The following USP17L2 variants were observed in gnomAD, a reference collection of about 807,000 sequenced individuals.
USP17L2 encodes the protein ubiquitin specific peptidase 17 like family member 2, also known as ubiquitin carboxyl-terminal hydrolase 17.
USP17L2 carries 29 observed loss-of-function variants against 39.8 expected under a neutral mutation model. The ratio of observed to expected loss-of-function variants is 0.73; its 90% CI spans 0.54 to 0.99. The LOEUF (loss-of-function observed/expected upper bound fraction) is 0.99. USP17L2 is among the 50% of genes least tolerant of loss of function. USP17L2 has a pLI of 0.00. For synonymous variants in USP17L2, 231 were observed against 252.7 expected, an observed-to-expected ratio of 0.91 and a Z score of 0.81; for missense variants, 567 against 647.2, an observed-to-expected ratio of 0.88 and a Z score of 1.35.
In USP17L2 at chr8:12,137,307, G is replaced by T. The variant is rs773443983; in HGVS notation, c.1454C>A (p.Ser485Tyr). The T allele has an allele frequency of 5.9e-6, 9 of 1,531,278 alleles. 2 individuals carry two copies. The highest frequency in any genetic ancestry group is 8.8e-7 in the Non-Finnish European group (1 of 1,135,236). The allele number at this position is 1,531,278 out of a possible 1,614,324, so 94.9% of individuals were successfully genotyped here. A position where few individuals can be genotyped will look rare whatever the true frequency, so the allele number is the denominator to read the frequency against. The change falls in exon 1 of 1, where the codon TCC (serine) becomes TAC (tyrosine). Residue 485 changes from serine (S) to tyrosine (Y), a missense_variant. Ser to Tyr is a moderately radical substitution (Grantham distance 144, BLOSUM62 -2). Transcript: ENST00000333796. ...MKNHHPEQQS[S>Y]LLNLSSTTRT... ...GGTCGTCGAAGAGAGGTTTAGCAGG[G>T]AGCTTTGCTGTTCAGGATGATGGTT...
In USP17L2 at chr8:12,138,604, C is replaced by T. The variant is rs1416294576; in HGVS notation, c.157G>A (p.Asp53Asn). The part of the protein sequence containing the change: ...LSSEARVDLC[D>N]DLAPVARQLA... ...TGTCTTGCCACAGGAGCCAAATCATCACAGAGGTCGACACGGGCCTCAGAT... is the reference window on the plus strand; with the variant it reads ...TGTCTTGCCACAGGAGCCAAATCATTACAGAGGTCGACACGGGCCTCAGAT... Residue 53 changes from aspartate (D) to asparagine (N), a missense_variant, in exon 1 of 1, where the codon GAT (aspartate) becomes AAT (asparagine). Coordinates refer to ENST00000333796, the MANE Select transcript of USP17L2 (RefSeq NM_201402.3). 1 of 1,530,950 alleles carries T rather than the reference C, an allele frequency of 6.5e-7. No individual in the cohort carries two copies. Among genetic ancestry groups the T allele is most frequent in the South Asian group, 1.2e-5 (1 of 81,294 alleles). 94.8% of individuals were successfully genotyped at this position (1,530,950 alleles called of 1,614,324 possible). A position where few individuals can be genotyped will look rare whatever the true frequency, so the allele number is the denominator to read the frequency against.
At position 12,138,385 on chromosome 8, in the gene USP17L2, A is replaced by G. The variant is rs762517355; in HGVS notation, c.376T>C (p.Cys126Arg). Reference sequence around the variant, plus strand: ...CATGTGATGTGAGCTTGCATAGTACAGAGCATGCAGCACTTGGGACGCTGA... The same window carrying G: ...CATGTGATGTGAGCTTGCATAGTACGGAGCATGCAGCACTTGGGACGCTGA... ...TCQRPKCCML[C>R]TMQAHITWAL... Residue 126 changes from cysteine (C) to arginine (R), a missense_variant, in exon 1 of 1, where the codon TGT (cysteine) becomes CGT (arginine). Transcript: ENST00000333796. 9 of 1,477,798 alleles carry G rather than the reference A, an allele frequency of 6.1e-6. 2 individuals carry two copies. In the Admixed American group the frequency reaches 7.1e-5, roughly 12 times the overall value. The allele number at this position is 1,477,798 out of a possible 1,614,324, so 91.5% of individuals were successfully genotyped here. A position where few individuals can be genotyped will look rare whatever the true frequency, so the allele number is the denominator to read the frequency against.
In USP17L2 at chr8:12,137,770, G is replaced by A. The variant is rs1376447067; in HGVS notation, c.991C>T (p.His331Tyr). 3.3e-6 allele frequency: 5 copies of A among 1,494,204 alleles called. No individual in the cohort carries two copies. The Admixed American group carries it at 7.2e-5, about 22-fold the overall frequency. The allele number at this position is 1,494,204 out of a possible 1,614,324, so 92.6% of individuals were successfully genotyped here. The change falls in exon 1 of 1, where the codon CAC becomes TAC. Residue 331 changes from histidine to tyrosine, a missense_variant. Transcript: ENST00000333796. ...AVLVHAGWSC[H>Y]DGHYFSYVKA... ...ACATAAGAGAAGTAATGTCCGTCGTGACAACTCCACCCAGCGTGGACCAGC... is the reference window on the plus strand; with the variant it reads ...ACATAAGAGAAGTAATGTCCGTCGTAACAACTCCACCCAGCGTGGACCAGC...
In USP17L2 at chr8:12,137,525, G is replaced by T. The variant is rs542592124; in HGVS notation, c.1236C>A (p.His412Gln). The change falls in exon 1 of 1, where the codon CAC (histidine) becomes CAA (glutamine). Residue 412 changes from histidine (H) to glutamine (Q), a missense_variant. Physicochemically the swap from His to Gln is conservative, Grantham distance 24 (BLOSUM62 0). Around this residue, in one of 6 missense-constraint regions of USP17L2, gnomAD observed 304 missense variants for 254.7 expected, o/e 1.19. Transcript: ENST00000333796. ...RATQGELKRD[H>Q]PCLQAPELDE... is the part of the protein sequence containing the mutation. ...CCAACTCGGGTGCCTGGAGGCAGGG[G>T]TGGTCTCTCTTGAGCTCTCCTTGCG... 66 of 1,533,256 alleles carry T rather than the reference G, an allele frequency of 4.3e-5. 8 individuals carry two copies. The highest frequency in any genetic ancestry group is 2.1e-4 in the East Asian group (8 of 38,436). The allele number at this position is 1,533,256 out of a possible 1,614,324, so 95.0% of individuals were successfully genotyped here.
rs1424074661 is a variant in USP17L2 at position 12,138,280 on chromosome 8, C to T, written c.481G>A (p.Ala161Thr). ...ACAGTGAACATGAGAAATTCATGGG[C>T]ATCTTCCTGCTTGCCTCTATGGAAG... is the stretch of plus-strand genomic sequence containing the variant. ...AGFHRGKQED[A>T]HEFLMFTVDA... is the part of the protein sequence containing the mutation. The change falls in exon 1 of 1, where the codon GCC (alanine) becomes ACC (threonine). Residue 161 changes from alanine (A) to threonine (T), a missense_variant. This residue lies in a region of USP17L2 where 67 missense variants were observed against 122.8 expected (regional missense o/e 0.55). Transcript: ENST00000333796. 1.3e-5 allele frequency: 19 copies of T among 1,431,440 alleles called. 6 individuals carry two copies. The East Asian group carries it at 4.5e-4, about 34-fold the overall frequency. 88.7% of individuals were successfully genotyped at this position (1,431,440 alleles called of 1,614,324 possible). A position where few individuals can be genotyped will look rare whatever the true frequency, so the allele number is the denominator to read the frequency against.
At chr8:12,138,587 CA>C in the USP17L2 span, 4 of 1,530,916 alleles carry the variant, frequency 2.6e-6, no homozygotes, top group East Asian at 7.8e-5. Context: ...GCTGTCTTGC[CA>C]CAGGAGCCAA....
chr8:12,136,648 T>C lies in USP17L2; in HGVS notation c.*520A>G, dbSNP rs1462257178. On this transcript the variant is annotated 3_prime_UTR_variant, in exon 1 of 1. Transcript: ENST00000333796. The stretch of plus-strand genomic sequence containing the variant: ...CCAATGTAAAAACGGTGAGCCAGGG[T>C]AAGAAAGAAGAGCACCGTTCCTATC... Among the ~76,000 whole-genome samples the C allele has an allele frequency of 2.1e-5, 3 of 140,152 alleles. No individual in the cohort carries two copies. Among genetic ancestry groups the C allele is most frequent in the Non-Finnish European group, 4.6e-5 (3 of 64,810 alleles). 91.9% of individuals were successfully genotyped at this position (140,152 alleles called of 152,430 possible).
In USP17L2 at chr8:12,136,989, A is replaced by G. The variant is rs1315769688; in HGVS notation, c.*179T>C. On this transcript the variant is annotated 3_prime_UTR_variant, in exon 1 of 1. Coordinates refer to ENST00000333796, the MANE Select transcript of USP17L2 (RefSeq NM_201402.3). Reference sequence around the variant, plus strand: ...TGTGGGCTCATCCTGAGATGCAGCCATCACTATCCAGTTGTCCCTGTTGTA... The same window carrying G: ...TGTGGGCTCATCCTGAGATGCAGCCGTCACTATCCAGTTGTCCCTGTTGTA... Among the ~76,000 whole-genome samples, 3 of 141,020 alleles carry G rather than the reference A, an allele frequency of 2.1e-5. No individual in the cohort carries two copies. Among genetic ancestry groups the G allele is most frequent in the East Asian group, 2.3e-4 (1 of 4,344 alleles). The allele number at this position is 141,020 out of a possible 152,430, so 92.5% of individuals were successfully genotyped here.
At position 12,137,963 on chromosome 8, in the gene USP17L2, C is replaced by T. The variant is rs371007408; in HGVS notation, c.798G>A (p.Thr266=). 2.7e-4 allele frequency: 407 copies of T among 1,521,304 alleles called. 37 individuals carry two copies. In the African/African-American group the frequency reaches 3.1e-3, roughly 12 times the overall value. 94.2% of individuals were successfully genotyped at this position (1,521,304 alleles called of 1,614,324 possible). ...CCTTGGCAGAAGTGTGTAAAGTTAACGTCTTGGAGGCCGGCGCCCTCTGGA... is the reference window on the plus strand; with the variant it reads ...CCTTGGCAGAAGTGTGTAAAGTTAATGTCTTGGAGGCCGGCGCCCTCTGGA... The part of the protein sequence containing the change: ...LCLQRAPASK[T]LTLHTSAKVL... Residue 266 remains threonine, a synonymous_variant, in exon 1 of 1, where the codon ACG becomes ACA. Coordinates refer to ENST00000333796, the MANE Select transcript of USP17L2 (RefSeq NM_201402.3).
rs1466028920 is a variant in USP17L2 at position 12,137,067 on chromosome 8, G to T, written c.*101C>A. 5.3e-6 allele frequency: 7 copies of T among 1,325,604 alleles called. 1 individual carries two copies. The African/African-American group carries it at 9.5e-5, about 18-fold the overall frequency. 82.1% of individuals were successfully genotyped at this position (1,325,604 alleles called of 1,614,324 possible). A position where few individuals can be genotyped will look rare whatever the true frequency, so the allele number is the denominator to read the frequency against. ...TTTATGTAGGATTGACGGTGTTCGTGTTTGTGTGTGTGTGTGTGTTTGCGT... is the reference window on the plus strand; with the variant it reads ...TTTATGTAGGATTGACGGTGTTCGTTTTTGTGTGTGTGTGTGTGTTTGCGT... On this transcript the variant is annotated 3_prime_UTR_variant, in exon 1 of 1. Coordinates refer to ENST00000333796, the MANE Select transcript of USP17L2 (RefSeq NM_201402.3).
rs747763652 is a variant in USP17L2, at chr8:12,138,518, C to T, written c.243G>A (p.Gly81=). Residue 81 remains glycine (G), a synonymous_variant, in exon 1 of 1, where the codon GGG becomes GGA. Transcript: ENST00000333796. The part of the protein sequence containing the change: ...SSRRPAAVGA[G]LQNMGNTCYE... ...AGCAGGTATTTCCCATATTCTGGAG[C>T]CCAGCCCCCACCGCAGCAGGTCTCC... The T allele has an allele frequency of 2.7e-4, 408 of 1,536,946 alleles. 47 individuals are homozygous for T. The highest frequency in any genetic ancestry group is 3.4e-4 in the Non-Finnish European group (386 of 1,136,686).
the USP17L2 span, chr8:12,137,198 GTGTT>G: frequency 6.5e-7 from 1 of 1,530,914 alleles, no homozygotes; most frequent in African/African-American, 1.5e-5. Flanking sequence ...CCCTCTTGCT[GTGTT>G]TGTTCTTCCC....
rs1304198527 is a variant in USP17L2, at chr8:12,137,055, G to C, written c.*113C>G. 7.9e-7 allele frequency: 1 copy of C among 1,270,068 alleles called. No homozygotes were observed. Among genetic ancestry groups the C allele is most frequent in the Non-Finnish European group, 1.1e-6 (1 of 910,050 alleles). 78.7% of individuals were successfully genotyped at this position (1,270,068 alleles called of 1,614,324 possible). On this transcript the variant is annotated 3_prime_UTR_variant, in exon 1 of 1. Coordinates refer to ENST00000333796, the MANE Select transcript of USP17L2 (RefSeq NM_201402.3). ...ACTCCTCATTACTTTATGTAGGATT[G>C]ACGGTGTTCGTGTTTGTGTGTGTGT... is the stretch of plus-strand genomic sequence containing the variant.
chr8:12,137,289 G>C lies in USP17L2; in HGVS notation c.1472C>G (p.Ser491Trp), dbSNP rs756802111. ...GGACTCCTGATCTGTCCGGGTCGTCGAAGAGAGGTTTAGCAGGGAGCTTTG... is the reference window on the plus strand; with the variant it reads ...GGACTCCTGATCTGTCCGGGTCGTCCAAGAGAGGTTTAGCAGGGAGCTTTG... ...EQQSSLLNLS[S>W]TTRTDQESVN... is the part of the protein sequence containing the mutation. The change falls in exon 1 of 1, where the codon TCG becomes TGG. Residue 491 changes from serine (S) to tryptophan (W), a missense_variant. Coordinates refer to ENST00000333796, the MANE Select transcript of USP17L2 (RefSeq NM_201402.3). 1 of 1,531,102 alleles carries C rather than the reference G, an allele frequency of 6.5e-7. No individual in the cohort carries two copies. The highest frequency in any genetic ancestry group is 1.8e-5 in the Admixed American group (1 of 55,876). 94.8% of individuals were successfully genotyped at this position (1,531,102 alleles called of 1,614,324 possible).
rs1276634033 is a variant in USP17L2 at position 12,137,372 on chromosome 8, T to A, written c.1389A>T (p.Val463=). 1 of 1,531,808 alleles carries A rather than the reference T, an allele frequency of 6.5e-7. No homozygotes were observed. The highest frequency in any genetic ancestry group is 8.8e-7 in the Non-Finnish European group (1 of 1,135,274). The allele number at this position is 1,531,808 out of a possible 1,614,324, so 94.9% of individuals were successfully genotyped here. ...RKVEGTLPPN[V]LVIHQSKYKC... The stretch of plus-strand genomic sequence containing the variant: ...TGTATTTCGATTGATGAATCACAAG[T>A]ACGTTGGGAGGCAGGGTACCTTCGA... Residue 463 remains valine, a synonymous_variant, in exon 1 of 1, where the codon GTA becomes GTT. Coordinates refer to ENST00000333796, the MANE Select transcript of USP17L2 (RefSeq NM_201402.3).
Position 12,138,286 on chromosome 8 carries a change from C to T in USP17L2, c.475G>A (p.Glu159Lys), listed in dbSNP as rs151245022. 3 of 1,454,120 alleles carry T rather than the reference C, an allele frequency of 2.1e-6. No individual in the cohort carries two copies. Among genetic ancestry groups the T allele is most frequent in the Middle Eastern group, 2.6e-4 (1 of 3,878 alleles). 90.1% of individuals were successfully genotyped at this position (1,454,120 alleles called of 1,614,324 possible). Residue 159 changes from glutamate to lysine, a missense_variant, in exon 1 of 1, where the codon GAA (glutamate) becomes AAA (lysine). This residue lies in a region of USP17L2 where 67 missense variants were observed against 122.8 expected (regional missense o/e 0.55). Transcript: ENST00000333796. ...LAAGFHRGKQ[E>K]DAHEFLMFTV... ...AACATGAGAAATTCATGGGCATCTTCCTGCTTGCCTCTATGGAAGCCAGCA... is the reference window on the plus strand; with the variant it reads ...AACATGAGAAATTCATGGGCATCTTTCTGCTTGCCTCTATGGAAGCCAGCA...
Position 12,136,520 on chromosome 8 carries a change from G to A in USP17L2, c.*648C>T, listed in dbSNP as rs1240855173. Among the ~76,000 whole-genome samples the A allele has an allele frequency of 1.4e-5, 2 of 140,496 alleles. 1 individual carries two copies. Among genetic ancestry groups the A allele is most frequent in the Admixed American group, 1.4e-4 (2 of 13,854 alleles). The allele number at this position is 140,496 out of a possible 152,430, so 92.2% of individuals were successfully genotyped here. A position where few individuals can be genotyped will look rare whatever the true frequency, so the allele number is the denominator to read the frequency against. ...GAAAATTTTCCATTTCGACTCATTG[G>A]AATTGGACATCGTGAAACAGGCAAG... On this transcript the variant is annotated 3_prime_UTR_variant, in exon 1 of 1. Coordinates refer to ENST00000333796, the MANE Select transcript of USP17L2 (RefSeq NM_201402.3).
In USP17L2 at chr8:12,137,558, C is replaced by A. The variant is rs1396839883; in HGVS notation, c.1203G>T (p.Arg401Ser). ...TCTTGAGCTCTCCTTGCGTTGCTCG[C>A]CTGTCTGTGTCTTCAGCGCCGAGGG... is the stretch of plus-strand genomic sequence containing the variant. ...PRALGAEDTD[R>S]RATQGELKRD... The change falls in exon 1 of 1, where the codon AGG becomes AGT. Residue 401 changes from arginine to serine, a missense_variant. Arg to Ser is a moderately radical substitution (Grantham distance 110). Coordinates refer to ENST00000333796, the MANE Select transcript of USP17L2 (RefSeq NM_201402.3). 5.9e-6 allele frequency: 9 copies of A among 1,532,588 alleles called. No individual in the cohort carries two copies. The highest frequency in any genetic ancestry group is 5.4e-5 in the Admixed American group (3 of 55,830). The allele number at this position is 1,532,588 out of a possible 1,614,324, so 94.9% of individuals were successfully genotyped here.
Position 12,137,419 on chromosome 8 carries a change from G to C in USP17L2, c.1342C>G (p.Pro448Ala), listed in dbSNP as rs1490949844. The C allele has an allele frequency of 1.3e-6, 2 of 1,532,266 alleles. 1 individual carries two copies. Among genetic ancestry groups the C allele is most frequent in the African/African-American group, 2.9e-5 (2 of 68,214 alleles). 94.9% of individuals were successfully genotyped at this position (1,532,266 alleles called of 1,614,324 possible). A position where few individuals can be genotyped will look rare whatever the true frequency, so the allele number is the denominator to read the frequency against. Residue 448 changes from proline (P) to alanine (A), a missense_variant, in exon 1 of 1, where the codon CCT becomes GCT. By Grantham distance (27) the Pro-to-Ala change is conservative (BLOSUM62 -1). Transcript: ENST00000333796. Reference sequence around the variant, plus strand: ...TCGACTTTTCTGACGTTGAACTCAGGCTTCGTTTTGTTTTGCTCTTGGGGG... The same window carrying C: ...TCGACTTTTCTGACGTTGAACTCAGCCTTCGTTTTGTTTTGCTCTTGGGGG... ...KFPQEQNKTK[P>A]EFNVRKVEGT...
Sources: allele counts gnomAD v4.1 joint callset (sites outside exome capture counted in the v4.1 genomes callset), GRCh38; gene constraint gnomAD v4.1.1; regional missense constraint gnomAD v4.1.1; transcripts MANE v1.5; gene names NCBI Gene and HGNC (gene_info 2026-07-23, HGNC 2026-07-21).